The following DLG2 variants were observed in gnomAD, a reference collection of about 807,000 sequenced individuals.
DLG2 encodes discs large MAGUK scaffold protein 2, also known as disks large homolog 2.
Under a neutral mutation model 132.5 loss-of-function variants are expected in DLG2, and 45 were observed. That is an observed-to-expected ratio of 0.34 (90% CI 0.27 to 0.44). DLG2 has a LOEUF of 0.44. DLG2 is among the 20% of genes least tolerant of loss of function. The probability of loss-of-function intolerance (pLI) is 1.00; values close to 1 mark genes in which losing one functional copy is unlikely to be tolerated. For missense variants in DLG2, 1,045 were observed against 1,196.9 expected (o/e 0.87, Z 1.87); for synonymous variants, 424 against 419.6 (o/e 1.01, Z -0.13).
intron 18 of DLG2, among the ~76,000 whole-genome samples, chr11:83,733,784 G>T (rs906496949): frequency 3.3e-5 from 5 of 152,148 alleles, no homozygotes; most frequent in Non-Finnish European, 5.9e-5. Context: ...TGCTTTAAAT[G>T]GATTTAGGAG....
chr11:85,433,194 T>C (rs1259446399), intron 3 of DLG2, among the ~76,000 whole-genome samples: 1 of 152,040 alleles, frequency 6.6e-6, no homozygotes, highest in Non-Finnish European at 1.5e-5. Context: ...GAAAAATCAA[T>C]ACCAGCCACT....
intron 6 of DLG2, among the ~76,000 whole-genome samples, chr11:84,584,164 C>T (rs1313991300): frequency 6.6e-6 from 1 of 152,044 alleles, no homozygotes; most frequent in Non-Finnish European, 1.5e-5. Context: ...AAGAAACAAC[C>T]TCAATAACAT....
At chr11:84,311,896 TC>T (rs1171235632) in intron 7 of DLG2, among the ~76,000 whole-genome samples, 1 of 152,212 alleles carries the variant, frequency 6.6e-6, no homozygotes, top group Non-Finnish European at 1.5e-5. Context: ...AAAATTTCTC[TC>T]TTTTTATCTG....
intron 19 of DLG2, among the ~76,000 whole-genome samples, chr11:83,586,582 G>C (rs191694382): frequency 2.0e-5 from 3 of 152,104 alleles, no homozygotes; most frequent in South Asian, 2.1e-4. Context: ...TGAGGTACAG[G>C]GTCAGAACTC....
At chr11:85,592,961 A>G (rs1591112323) in intron 3 of DLG2, among the ~76,000 whole-genome samples, 1 of 151,774 alleles carries the variant, frequency 6.6e-6, no homozygotes, top group East Asian at 1.9e-4. Context: ...AAAGAAAGAA[A>G]AGAAAAAAAA....
intron 11 of DLG2, among the ~76,000 whole-genome samples, chr11:83,985,942 A>ATGAT (rs1384820457): frequency 6.6e-6 from 1 of 152,118 alleles, no homozygotes; most frequent in African/African-American, 2.4e-5. Context: ...CTCTTCCACA[A>ATGAT]TGATTGAACA....
chr11:85,617,937 T>C (rs974242796), intron 2 of DLG2, among the ~76,000 whole-genome samples: 4 of 152,218 alleles, frequency 2.6e-5, no homozygotes, highest in Non-Finnish European at 4.4e-5. Context: ...AATTTAATAA[T>C]TCATTTTCAC....
At chr11:85,412,760 C>CACACACATATATATATATATATAT (rs756868795) in intron 3 of DLG2, among the ~76,000 whole-genome samples, 4 of 113,244 alleles carry the variant, frequency 3.5e-5, no homozygotes, top group Non-Finnish European at 5.3e-5. Context: ...CACACACACA[C>CACACACATATATATATATATATAT]ATATATATAT....
At chr11:83,671,546 A>G (rs1209063890) in intron 18 of DLG2, among the ~76,000 whole-genome samples, 1 of 152,244 alleles carries the variant, frequency 6.6e-6, no homozygotes, top group Non-Finnish European at 1.5e-5. Flanking sequence ...AAATGTAGTT[A>G]AAGAAATAAG....
chr11:84,520,518 G>T (rs988659659), intron 7 of DLG2, among the ~76,000 whole-genome samples: 1 of 152,130 alleles, frequency 6.6e-6, no homozygotes. Flanking sequence ...AATTACATTG[G>T]TTGTTTGGAA....
At chr11:84,546,695 G>A (rs533350009) in intron 6 of DLG2, 27 of 520,576 alleles carry the variant, frequency 5.2e-5, no homozygotes, top group African/African-American at 5.0e-4. Context: ...AGCAATTGGT[G>A]TTTGGATATC....
chr11:85,072,214 G>A (rs2065959568), intron 6 of DLG2, among the ~76,000 whole-genome samples: 1 of 151,750 alleles, frequency 6.6e-6, no homozygotes, highest in African/African-American at 2.4e-5. Flanking sequence ...TTGTGCCTAA[G>A]GCAGTCCTTG....
At chr11:84,703,154 C>T (rs2059381200) in intron 6 of DLG2, among the ~76,000 whole-genome samples, 1 of 151,658 alleles carries the variant, frequency 6.6e-6, no homozygotes, top group Non-Finnish European at 1.5e-5. Flanking sequence ...GCAGAATCCA[C>T]ACTCTCATTA....
intron 8 of DLG2, among the ~76,000 whole-genome samples, chr11:84,180,970 TAAAG>T (rs930504811): frequency 2.0e-5 from 3 of 151,710 alleles, no homozygotes; most frequent in East Asian, 3.9e-4. Flanking sequence ...TTGATCTACA[TAAAG>T]AAAGAAAGAG....
intron 9 of DLG2, among the ~76,000 whole-genome samples, chr11:84,122,524 C>G (rs1226709924): frequency 6.6e-6 from 1 of 152,080 alleles, no homozygotes; most frequent in East Asian, 1.9e-4. Flanking sequence ...GTTCACAACT[C>G]TCAATCTACT....
At chr11:85,347,967 CTTTTTTTTTT>C (rs35083224) in intron 3 of DLG2, among the ~76,000 whole-genome samples, 2 of 40,366 alleles carry the variant, frequency 5.0e-5, no homozygotes, top group South Asian at 9.7e-4. Flanking sequence ...CCACACTTAA[CTTTTTTTTTT>C]TTTTTTTTTT....
intron 3 of DLG2, among the ~76,000 whole-genome samples, chr11:85,492,421 GAT>G (rs2093582075): frequency 6.6e-6 from 1 of 152,108 alleles, no homozygotes; most frequent in Non-Finnish European, 1.5e-5. Flanking sequence ...AAGCTGTCTA[GAT>G]ATACCATGGT....
chr11:84,564,395 C>A (rs1352825083), intron 6 of DLG2, among the ~76,000 whole-genome samples: 1 of 152,188 alleles, frequency 6.6e-6, no homozygotes, highest in Non-Finnish European at 1.5e-5. Context: ...AGACACTACA[C>A]ATATCCCTGA....
chr11:84,731,497 G>C (rs1179955701), intron 6 of DLG2, among the ~76,000 whole-genome samples: 1 of 151,848 alleles, frequency 6.6e-6, no homozygotes, highest in African/African-American at 2.4e-5. Context: ...AGTGAGTTGA[G>C]ATAAGAAAAA....
Sources: allele counts gnomAD v4.1 joint callset (sites outside exome capture counted in the v4.1 genomes callset), GRCh38; gene constraint gnomAD v4.1.1; transcripts MANE v1.5; gene names NCBI Gene and HGNC (gene_info 2026-07-23, HGNC 2026-07-21).